The following CFAP54 variants were observed in gnomAD, a reference collection of about 807,000 sequenced individuals.
The protein encoded by CFAP54 is cilia- and flagella-associated protein 54.
A neutral mutation model predicts 370.4 loss-of-function variants in CFAP54; 290 were observed. The ratio of observed to expected loss-of-function variants is 0.78; its 90% CI spans 0.71 to 0.86. CFAP54 has a LOEUF of 0.86. CFAP54 is among the 40% of genes least tolerant of loss of function. The pLI, the probability that CFAP54 is intolerant of heterozygous loss-of-function variation, is 0.00. For synonymous variants in CFAP54, 1,206 were observed against 1,236.5 expected, an observed-to-expected ratio of 0.98 and a Z score of 0.52; for missense variants, 3,399 against 3,528.7, an observed-to-expected ratio of 0.96 and a Z score of 0.93.
chr12:96,720,353 C>T (rs924869988), intron 49 of CFAP54, 52 bp from the exon 50 acceptor site: 2 of 1,281,326 alleles, frequency 1.6e-6, no homozygotes, highest in African/African-American at 1.5e-5. Flanking sequence ...AAGAAAGAGA[C>T]AGTATTTGTA....
chr12:96,715,017 A>G (rs912599733), intron 48 of CFAP54, among the ~76,000 whole-genome samples: 16 of 152,172 alleles, frequency 1.1e-4, no homozygotes, highest in African/African-American at 3.6e-4. Context: ...TTCACATGCT[A>G]ATGGATGGAG....
At chr12:96,874,906 C>A (rs568651491) in intron 67 of CFAP54, among the ~76,000 whole-genome samples, 125 of 151,722 alleles carry the variant, frequency 8.2e-4, no homozygotes, top group Non-Finnish European at 1.3e-3. Flanking sequence ...CGTGAGCCAC[C>A]GCGCCCGGCC....
intron 8 of CFAP54, among the ~76,000 whole-genome samples, chr12:96,523,632 G>T (rs1443229949): frequency 6.6e-6 from 1 of 152,042 alleles, no homozygotes; most frequent in African/African-American, 2.4e-5. Flanking sequence ...AAGCTTTTAA[G>T]CTGCCTGCAT....
intron 14 of CFAP54, among the ~76,000 whole-genome samples, chr12:96,544,312 G>A (rs2136391212): frequency 6.6e-6 from 1 of 152,160 alleles, no homozygotes; most frequent in African/African-American, 2.4e-5. Flanking sequence ...TCATGAAGTA[G>A]CTTCAGAACA....
At chr12:96,853,092 C>A (rs77298204) in intron 66 of CFAP54, among the ~76,000 whole-genome samples, 1,698 of 152,048 alleles carry the variant, frequency 0.011, 79 homozygotes, top group East Asian at 0.1. Context: ...TATACATGTA[C>A]CTGGTGTATA....
At chr12:96,864,910 C>G (rs1174068477) in intron 67 of CFAP54, among the ~76,000 whole-genome samples, 2 of 152,090 alleles carry the variant, frequency 1.3e-5, no homozygotes, top group Non-Finnish European at 1.5e-5. Flanking sequence ...ATGAAATATA[C>G]ATGTCTTCCA....
At chr12:96,861,954 T>C (rs142170532) in intron 67 of CFAP54, among the ~76,000 whole-genome samples, 1 of 152,222 alleles carries the variant, frequency 6.6e-6, no homozygotes, top group Non-Finnish European at 1.5e-5. Context: ...AATGTGTTTT[T>C]CTAAAGCTAA....
intron 65 of CFAP54, among the ~76,000 whole-genome samples, chr12:96,825,459 TATA>T (rs1959085133): frequency 8.6e-6 from 1 of 116,864 alleles, no homozygotes; most frequent in South Asian, 2.4e-4. Context: ...TTATATATAA[TATA>T]ATATATTATA....
At position 96,720,416 on chromosome 12, in the gene CFAP54, G is replaced by T; in HGVS notation, c.6816G>T (p.Leu2272=). 2 of 1,524,574 alleles carry T rather than the reference G, an allele frequency of 1.3e-6. No homozygotes were observed. Among genetic ancestry groups the T allele is most frequent in the Non-Finnish European group, 1.8e-6 (2 of 1,130,348 alleles). The allele number at this position is 1,524,574 out of a possible 1,614,324, so 94.4% of individuals were successfully genotyped here. A position where few individuals can be genotyped will look rare whatever the true frequency, so the allele number is the denominator to read the frequency against. Residue 2272 remains leucine (L), a synonymous_variant, in exon 50 of 68, where the codon CTG becomes CTT. Coordinates refer to ENST00000524981, the MANE Select transcript of CFAP54 (RefSeq NM_001306084.2). ...ITLSMLKSML[L]MEAEDRLNFL... is the part of the protein sequence containing the mutation. ...TATCCTTTCCTTAGTCGATGTTACTGATGGAAGCTGAGGACAGGCTAAACT... is the reference window on the plus strand; with the variant it reads ...TATCCTTTCCTTAGTCGATGTTACTTATGGAAGCTGAGGACAGGCTAAACT...
chr12:96,768,659 AAAAACAAAACAAAGCAAAATAAAAC>A lies in CFAP54; in HGVS notation c.8281+3455_8281+3479del, dbSNP rs555564182. ...GGTGACAGAGTGAGACTCTATCTCA[AAAAACAAAACAAAGCAAAATAAAAC>A]AAAACAAAACAAAAACAAAAACAAA... is the stretch of plus-strand genomic sequence containing the variant. On this transcript the variant is annotated intron_variant, in intron 60 of 67. Transcript: ENST00000524981. 3.3e-4 allele frequency among the ~76,000 whole-genome samples: 51 copies of A among 152,324 alleles called. 1 individual carries two copies. The South Asian group carries it at 0.011, about 32-fold the overall frequency.
At chr12:96,822,690 A>G (rs949047503) in intron 65 of CFAP54, among the ~76,000 whole-genome samples, 1 of 152,172 alleles carries the variant, frequency 6.6e-6, no homozygotes, top group African/African-American at 2.4e-5. Flanking sequence ...GTCCCAAACC[A>G]TTGAAAATAA....
intron 22 of CFAP54, among the ~76,000 whole-genome samples, chr12:96,582,295 C>T (rs1956040219): frequency 6.6e-6 from 1 of 152,044 alleles, no homozygotes; most frequent in South Asian, 2.1e-4. Context: ...AACATGTCAT[C>T]AGTGAAGAGG....
intron 66 of CFAP54, among the ~76,000 whole-genome samples, chr12:96,843,953 T>C (rs76176629): frequency 6.1e-4 from 93 of 152,334 alleles, no homozygotes; most frequent in African/African-American, 2.2e-3. Context: ...GTATATACTT[T>C]AGTGAACCTA....
intron 12 of CFAP54, among the ~76,000 whole-genome samples, chr12:96,536,559 A>T (rs535119587): frequency 3.9e-5 from 6 of 152,214 alleles, no homozygotes; most frequent in Admixed American, 3.3e-4. Context: ...TAACCAAAAA[A>T]TAGCGATCAA....
chr12:96,558,307 AAGAG>A (rs2136404512), intron 17 of CFAP54, among the ~76,000 whole-genome samples: 1 of 152,320 alleles, frequency 6.6e-6, no homozygotes, highest in East Asian at 1.9e-4. Flanking sequence ...GCAATCAGAC[AAGAG>A]AAAGAAAGAA....
intron 17 of CFAP54, among the ~76,000 whole-genome samples, chr12:96,562,948 ATTAC>A (rs1349993914): frequency 1.3e-5 from 2 of 152,210 alleles, no homozygotes; most frequent in African/African-American, 4.8e-5. Context: ...ACATAAATGA[ATTAC>A]TTAGCATAAT....
chr12:96,563,745 AC>A (rs769661035), intron 17 of CFAP54, among the ~76,000 whole-genome samples: 5 of 152,196 alleles, frequency 3.3e-5, no homozygotes, highest in Non-Finnish European at 5.9e-5. Flanking sequence ...TTGTAAGGTT[AC>A]TATAGCTACC....
chr12:96,727,573 T>G (rs950654332), intron 50 of CFAP54, among the ~76,000 whole-genome samples: 29 of 150,752 alleles, frequency 1.9e-4, no homozygotes, highest in Non-Finnish European at 3.7e-4. Context: ...TGTGTGTCTC[T>G]GCACATGAGA....
chr12:96,794,395 T>C (rs968196130), intron 63 of CFAP54, among the ~76,000 whole-genome samples: 1 of 152,020 alleles, frequency 6.6e-6, no homozygotes, highest in Non-Finnish European at 1.5e-5. Context: ...TTTAGTTGTT[T>C]AACATAATCC....
Sources: allele counts gnomAD v4.1 joint callset (sites outside exome capture counted in the v4.1 genomes callset), GRCh38; gene constraint gnomAD v4.1.1; transcripts MANE v1.5; gene names NCBI Gene and HGNC (gene_info 2026-07-23, HGNC 2026-07-21).